The following CCDC60 variants were observed in gnomAD, a reference collection of about 807,000 sequenced individuals.
CCDC60 encodes the protein coiled-coil domain containing 60, also known as coiled-coil domain-containing protein 60.
CCDC60 carries 54 observed loss-of-function variants against 63.5 expected under a neutral mutation model. The ratio of observed to expected loss-of-function variants is 0.85; its 90% CI spans 0.68 to 1.07. The LOEUF is 1.07. Ranked by LOEUF, CCDC60 falls within the 50% of genes least tolerant of loss-of-function variation. CCDC60 has a pLI of 0.00. For missense variants in CCDC60, 651 were observed against 684.3 expected (o/e 0.95, Z 0.54); for synonymous variants, 206 against 238.8 (o/e 0.86, Z 1.27).
At chr12:119,357,343 C>A (rs1955728348) in intron 1 of CCDC60, among the ~76,000 whole-genome samples, 1 of 152,164 alleles carries the variant, frequency 6.6e-6, no homozygotes, top group Non-Finnish European at 1.5e-5. Flanking sequence ...GAACTTATTT[C>A]TTCCATCTAA....
intron 1 of CCDC60, among the ~76,000 whole-genome samples, chr12:119,337,454 G>A (rs1431716093): frequency 2.6e-5 from 4 of 152,196 alleles, no homozygotes; most frequent in Admixed American, 2.6e-4. Flanking sequence ...TCTGCAAAAC[G>A]GGAATGTCAT....
intron 1 of CCDC60, chr12:119,402,420 A>G (rs1210204956): frequency 6.6e-6 from 1 of 152,180 alleles, no homozygotes; most frequent in Admixed American, 6.5e-5. Context: ...TCTGAGTCTT[A>G]GATTGCACAT....
intron 1 of CCDC60, among the ~76,000 whole-genome samples, chr12:119,386,502 A>C (rs1161064288): frequency 3.6e-5 from 1 of 28,096 alleles, no homozygotes; most frequent in South Asian, 1.5e-3. Flanking sequence ...CCACTCTAAG[A>C]AAAAAAAAAA....
At chr12:119,469,411 C>T (rs1470682779) in intron 2 of CCDC60, among the ~76,000 whole-genome samples, 1 of 152,100 alleles carries the variant, frequency 6.6e-6, no homozygotes, top group Non-Finnish European at 1.5e-5. Context: ...GAGGCACCCG[C>T]CACCACCCTG....
intron 1 of CCDC60, among the ~76,000 whole-genome samples, chr12:119,352,043 C>G (rs535144353): frequency 6.6e-6 from 1 of 152,172 alleles, no homozygotes. Flanking sequence ...TCAGGAAGCA[C>G]AGTTGGGGAG....
chr12:119,378,143 A>G (rs927155767), intron 1 of CCDC60, among the ~76,000 whole-genome samples: 1 of 152,208 alleles, frequency 6.6e-6, no homozygotes, highest in African/African-American at 2.4e-5. Flanking sequence ...GAAGCTGGCC[A>G]TCCCACCCTA....
In CCDC60 at chr12:119,506,482, G is replaced by A. The variant is rs191799740; in HGVS notation, c.883+1179G>A. ...AAAAAAATTAGCCATGCATGGTGGT[G>A]TGTGCCTGTGGTTCCAACTACTCAG... On this transcript the variant is annotated intron_variant, in intron 7 of 13. Transcript: ENST00000327554. 5.4e-3 allele frequency among the ~76,000 whole-genome samples: 808 copies of A among 150,778 alleles called. 9 individuals are homozygous for A. The highest frequency in any genetic ancestry group is 6.8e-3 in the Non-Finnish European group (459 of 67,708).
intron 8 of CCDC60, among the ~76,000 whole-genome samples, chr12:119,518,292 C>T (rs1952408601): frequency 6.6e-6 from 1 of 152,230 alleles, no homozygotes; most frequent in African/African-American, 2.4e-5. Context: ...CAAGCACTGG[C>T]TTTGGAGTCA....
At chr12:119,402,063 C>A (rs942535068) in intron 1 of CCDC60, among the ~76,000 whole-genome samples, 19 of 152,190 alleles carry the variant, frequency 1.2e-4, no homozygotes, top group African/African-American at 4.6e-4. Flanking sequence ...CCTCATGTTC[C>A]TTCCTCAGAC....
At chr12:119,529,660 C>G (rs1182538283) in intron 12 of CCDC60, among the ~76,000 whole-genome samples, 1 of 152,152 alleles carries the variant, frequency 6.6e-6, no homozygotes, top group African/African-American at 2.4e-5. Flanking sequence ...CCCAGAACAT[C>G]ACTTTCTCAC....
chr12:119,384,031 T>C (rs1014840180), intron 1 of CCDC60, among the ~76,000 whole-genome samples: 1 of 151,964 alleles, frequency 6.6e-6, no homozygotes, highest in Non-Finnish European at 1.5e-5. Context: ...CCCATCTCTA[T>C]TAAAAATACA....
chr12:119,357,025 T>G (rs1955725388), intron 1 of CCDC60, among the ~76,000 whole-genome samples: 1 of 152,200 alleles, frequency 6.6e-6, no homozygotes. Flanking sequence ...CCATTACCAG[T>G]GCTGTTGTTT....
chr12:119,473,236 G>T (rs934592011), intron 3 of CCDC60, among the ~76,000 whole-genome samples: 4 of 152,206 alleles, frequency 2.6e-5, no homozygotes, highest in Non-Finnish European at 5.9e-5. Flanking sequence ...AGCTTGTGCA[G>T]ACTGAATGAG....
At chr12:119,470,012 G>A (rs1951025809) in intron 2 of CCDC60, among the ~76,000 whole-genome samples, 2 of 152,152 alleles carry the variant, frequency 1.3e-5, no homozygotes, top group Admixed American at 1.3e-4. Context: ...AGAACCCAAG[G>A]CCCTGCGCCA....
At chr12:119,485,113 A>T (rs1336801868) in intron 4 of CCDC60, among the ~76,000 whole-genome samples, 1 of 152,254 alleles carries the variant, frequency 6.6e-6, no homozygotes, top group African/African-American at 2.4e-5. Context: ...AGCAGGGAAC[A>T]GTGCTAAGCA....
intron 5 of CCDC60, among the ~76,000 whole-genome samples, chr12:119,493,916 A>T (rs780356252): frequency 6.6e-6 from 1 of 152,194 alleles, no homozygotes; most frequent in Non-Finnish European, 1.5e-5. Flanking sequence ...ACACTCCCAG[A>T]GGGGCCTGTC....
chr12:119,357,681 C>T (rs1218388101), intron 1 of CCDC60, among the ~76,000 whole-genome samples: 2 of 152,100 alleles, frequency 1.3e-5, no homozygotes, highest in African/African-American at 2.4e-5. Flanking sequence ...CTCAAACTCC[C>T]GACCTCAGGT....
chr12:119,380,172 T>C (rs894232039), intron 1 of CCDC60, among the ~76,000 whole-genome samples: 1 of 152,248 alleles, frequency 6.6e-6, no homozygotes, highest in African/African-American at 2.4e-5. Context: ...ATAAATCCCT[T>C]GGAAGCAGTT....
intron 1 of CCDC60, among the ~76,000 whole-genome samples, chr12:119,418,432 T>TTTTTTTTG (rs1565998043): frequency 1.0e-5 from 1 of 96,410 alleles, no homozygotes. Flanking sequence ...TTTTTTTTTT[T>TTTTTTTTG]GAGATGGGGT....
Sources: gnomAD v4.1 joint callset for allele counts (sites outside exome capture counted in the v4.1 genomes callset) on GRCh38, gnomAD v4.1.1 for gene constraint, MANE v1.5 for transcripts, NCBI Gene and HGNC (gene_info 2026-07-23, HGNC 2026-07-21) for gene names.